Variants in FARS2 observed in about 807,000 individuals in gnomAD.
FARS2 encodes the protein phenylalanine--tRNA ligase, mitochondrial.
FARS2 carries 40 observed loss-of-function variants against 46.4 expected under a neutral mutation model. The ratio of observed to expected loss-of-function variants is 0.86; its 90% CI spans 0.67 to 1.12. FARS2 has a LOEUF of 1.12. Among genes scored for constraint, FARS2 ranks in the 50% most tolerant of loss-of-function variants. The pLI, the probability that FARS2 is intolerant of heterozygous loss-of-function variation, is 0.00. For synonymous variants in FARS2, 234 were observed against 214.9 expected (o/e 1.09, Z -0.78); for missense variants, 513 against 567.9 (o/e 0.90, Z 0.98).
intron 1 of FARS2, among the ~76,000 whole-genome samples, chr6:5,341,757 G>A (rs976029844): frequency 2.0e-5 from 3 of 152,220 alleles, no homozygotes; most frequent in Middle Eastern, 3.4e-3. Flanking sequence ...GACCTCAGGC[G>A]ATCCACCCAT....
At chr6:5,434,479 A>G (rs1282708532) in intron 4 of FARS2, among the ~76,000 whole-genome samples, 2 of 152,232 alleles carry the variant, frequency 1.3e-5, no homozygotes, top group Non-Finnish European at 2.9e-5. Context: ...ACAATTTTAT[A>G]GAACGGATTC....
intron 4 of FARS2, among the ~76,000 whole-genome samples, chr6:5,494,808 C>T (rs1467413788): frequency 6.6e-6 from 1 of 152,154 alleles, no homozygotes; most frequent in East Asian, 1.9e-4. Flanking sequence ...TCCTCTCTCC[C>T]CCTTTTCCCC....
At chr6:5,489,718 T>G (rs1766988560) in intron 4 of FARS2, among the ~76,000 whole-genome samples, 1 of 152,208 alleles carries the variant, frequency 6.6e-6, no homozygotes, top group Non-Finnish European at 1.5e-5. Flanking sequence ...CAGTCACTAG[T>G]CTCTTTTGAA....
rs555365089 is a variant in FARS2, at chr6:5,461,460, T to C, written c.904+30288T>C. 1.5e-4 allele frequency among the ~76,000 whole-genome samples: 23 copies of C among 152,170 alleles called. 1 individual carries two copies. Among genetic ancestry groups the C allele is most frequent in the Non-Finnish European group, 2.8e-4 (19 of 68,038 alleles). ...TTATTCAAGGATTATTTAGTAAATT[T>C]ATAGAGTTTTCCAGCCACCATCACA... On this transcript the variant is annotated intron_variant, in intron 4 of 6. Coordinates refer to ENST00000274680, the MANE Select transcript of FARS2 (RefSeq NM_006567.5).
intron 5 of FARS2, among the ~76,000 whole-genome samples, chr6:5,595,809 C>T (rs1041367871): frequency 5.9e-5 from 9 of 152,104 alleles, no homozygotes; most frequent in Non-Finnish European, 1.0e-4. Flanking sequence ...CCATGACAGA[C>T]GACTGGAATC....
At chr6:5,309,639 A>C (rs1327182631) in intron 1 of FARS2, among the ~76,000 whole-genome samples, 1 of 152,226 alleles carries the variant, frequency 6.6e-6, no homozygotes, top group Non-Finnish European at 1.5e-5. Flanking sequence ...GATAAATCTG[A>C]AATAAGAAAT....
rs138339047 is a variant in FARS2 at position 5,369,158 on chromosome 6, C to T, written c.588C>T (p.Ala196=). 81 of 1,608,650 alleles carry T rather than the reference C, an allele frequency of 5.0e-5. No individual in the cohort carries two copies. The highest frequency in any genetic ancestry group is 6.7e-5 in the East Asian group (3 of 44,878). The change falls in exon 2 of 7, where the codon GCC becomes GCT. Residue 196 remains alanine, a synonymous_variant. Coordinates refer to ENST00000274680, the MANE Select transcript of FARS2 (RefSeq NM_006567.5). ...QHYPIFHQLE[A]VRLFSKHELF... is the part of the protein sequence containing the mutation. ...ACCCTATTTTCCACCAGCTGGAGGC[C>T]GTGCGGCTCTTCTCCAAGCATGAGG... is the stretch of plus-strand genomic sequence containing the variant.
At chr6:5,381,280 A>G (rs1759757960) in intron 2 of FARS2, among the ~76,000 whole-genome samples, 1 of 151,832 alleles carries the variant, frequency 6.6e-6, no homozygotes. Context: ...TACAGGCGTG[A>G]GCCACCGCGC....
chr6:5,698,931 A>C (rs1758259909), intron 6 of FARS2, among the ~76,000 whole-genome samples: 1 of 152,164 alleles, frequency 6.6e-6, no homozygotes, highest in African/African-American at 2.4e-5. Context: ...CAGGGAACCA[A>C]GCCACACCAC....
At chr6:5,497,921 T>G (rs1343662914) in intron 4 of FARS2, among the ~76,000 whole-genome samples, 1 of 152,204 alleles carries the variant, frequency 6.6e-6, no homozygotes, top group African/African-American at 2.4e-5. Context: ...AATAAACAAA[T>G]AGTTTCACCC....
intron 4 of FARS2, among the ~76,000 whole-genome samples, chr6:5,467,741 G>T (rs1053299635): frequency 6.6e-6 from 1 of 152,102 alleles, no homozygotes; most frequent in Non-Finnish European, 1.5e-5. Flanking sequence ...CTGGACCTCT[G>T]TGTTTCCTAT....
chr6:5,281,410 A>G (rs561931875), intron 1 of FARS2, among the ~76,000 whole-genome samples: 4 of 152,348 alleles, frequency 2.6e-5, no homozygotes, highest in Middle Eastern at 3.4e-3. Context: ...ACTGTGTCAA[A>G]AAAATGCTTA....
intron 6 of FARS2, among the ~76,000 whole-genome samples, chr6:5,633,894 C>G (rs1776416731): frequency 6.6e-6 from 1 of 152,104 alleles, no homozygotes; most frequent in South Asian, 2.1e-4. Context: ...TAATTATATA[C>G]CCAAAATACT....
chr6:5,617,181 T>C (rs944488300), intron 6 of FARS2, among the ~76,000 whole-genome samples: 6 of 152,196 alleles, frequency 3.9e-5, no homozygotes, highest in Non-Finnish European at 8.8e-5. Flanking sequence ...GAAATACTCT[T>C]AATGCAGGTA....
chr6:5,475,871 C>T (rs890191465), intron 4 of FARS2, among the ~76,000 whole-genome samples: 13 of 152,072 alleles, frequency 8.5e-5, no homozygotes, highest in East Asian at 3.9e-4. Context: ...TCATGGATGC[C>T]GGTCGTTGCT....
chr6:5,461,721 T>G (rs2150301479), intron 4 of FARS2, among the ~76,000 whole-genome samples: 1 of 152,352 alleles, frequency 6.6e-6, no homozygotes, highest in East Asian at 1.9e-4. Flanking sequence ...CTTTTTTCAC[T>G]TAGCACAGTG....
At chr6:5,709,194 G>A (rs1460179331) in intron 6 of FARS2, among the ~76,000 whole-genome samples, 1 of 152,206 alleles carries the variant, frequency 6.6e-6, no homozygotes, top group Non-Finnish European at 1.5e-5. Context: ...TGGTTGGTGG[G>A]AGGTGTGGAA....
intron 6 of FARS2, among the ~76,000 whole-genome samples, chr6:5,640,142 G>GTGTA (rs1447788476): frequency 8.2e-6 from 1 of 122,420 alleles, no homozygotes; most frequent in East Asian, 1.9e-4. Context: ...TTTGTCAGGT[G>GTGTA]TGTGTGTGTG....
intron 6 of FARS2, among the ~76,000 whole-genome samples, chr6:5,770,230 G>T (rs904197530): frequency 2.0e-5 from 3 of 152,196 alleles, no homozygotes; most frequent in Non-Finnish European, 4.4e-5. Context: ...TCAAGGCCCT[G>T]GTATTACTGA....
Sources: allele counts gnomAD v4.1 joint callset (sites outside exome capture counted in the v4.1 genomes callset), GRCh38; gene constraint gnomAD v4.1.1; transcripts MANE v1.5; gene names NCBI Gene and HGNC (gene_info 2026-07-23, HGNC 2026-07-21).